Variants in GEMIN8 observed in about 807,000 individuals in gnomAD.
The protein encoded by GEMIN8 is gem-associated protein 8.
For synonymous variants in GEMIN8, 80 were observed against 78.5 expected (o/e 1.02, Z -0.10); for missense variants, 185 against 205.9 (o/e 0.90, Z 0.62).
Position 14,013,455 on chromosome X carries a change from A to T in GEMIN8, c.473-4286T>A, listed in dbSNP as rs145355633. Among the ~76,000 whole-genome samples, 897 of 112,548 alleles carry T rather than the reference A, an allele frequency of 8.0e-3. 3 individuals carry two copies. Among genetic ancestry groups the T allele is most frequent in the Non-Finnish European group, 0.012 (639 of 53,294 alleles). ...AAAATAGGATTGTAGTGGGTTGAAT[A>T]GTGTCACTTCAAATCCATGTCCACC... On this transcript the variant is annotated intron_variant, in intron 4 of 4. Coordinates refer to ENST00000680255, the MANE Select transcript of GEMIN8 (RefSeq NM_001042479.2).
At chrX:13,985,331 A>G in the GEMIN8 span, among the ~76,000 whole-genome samples, 1 of 111,961 alleles carries the variant, frequency 8.9e-6, no homozygotes, top group African/African-American at 3.2e-5. Flanking sequence ...TAGGAAGTCC[A>G]TTTGGAGCTG....
At chrX:13,997,950 G>A in the GEMIN8 span, among the ~76,000 whole-genome samples, 1 of 108,493 alleles carries the variant, frequency 9.2e-6, no homozygotes, top group Non-Finnish European at 1.9e-5. Flanking sequence ...TAAAAATCCC[G>A]GAGGCAAGAA....
chrX:13,992,184 T>C, the GEMIN8 span, among the ~76,000 whole-genome samples: 1 of 111,815 alleles, frequency 8.9e-6, no homozygotes, highest in Non-Finnish European at 1.9e-5. Flanking sequence ...TGTCAAATAA[T>C]CCTTCACAAA....
intron 2 of GEMIN8, among the ~76,000 whole-genome samples, chrX:14,023,949 C>T (rs911724222): frequency 1.2e-4 from 13 of 112,095 alleles, no homozygotes; most frequent in African/African-American, 4.2e-4. Context: ...GTGTGATAGC[C>T]TCAAATATGG....
At chrX:13,984,253 T>C in the GEMIN8 span, among the ~76,000 whole-genome samples, 6 of 112,343 alleles carry the variant, frequency 5.3e-5, no homozygotes, top group African/African-American at 1.6e-4. Context: ...CCCAGTTATA[T>C]AGTGCTTGGA....
chrX:14,026,307 G>T, intron 1 of GEMIN8, 86 bp from the exon 2 acceptor site: 1 of 751,622 alleles, frequency 1.3e-6, no homozygotes, highest in East Asian at 1.5e-4. Context: ...GAGCACAATG[G>T]CATAATGGCC....
chrX:14,009,210 G>T, intron 4 of GEMIN8, 41 bp from the exon 5 acceptor site: 1 of 1,182,815 alleles, frequency 8.5e-7, no homozygotes, highest in Non-Finnish European at 1.1e-6. Flanking sequence ...ATAAACACAC[G>T]TGTGTGCACT....
the GEMIN8 span, among the ~76,000 whole-genome samples, chrX:13,996,912 C>T: frequency 4.7e-5 from 5 of 105,793 alleles, no homozygotes; most frequent in Admixed American, 1.0e-4. Context: ...GCTTATAAAA[C>T]GCTTGCATGC....
At chrX:14,005,136 C>T (rs1351780237), downstream of GEMIN8, among the ~76,000 whole-genome samples, 1 of 111,188 alleles carries the variant, frequency 9.0e-6, no homozygotes, top group African/African-American at 3.3e-5. Flanking sequence ...GTTCCTGACA[C>T]AGAGCTCCTA....
chrX:14,002,589 C>T (rs186247959), downstream of GEMIN8, among the ~76,000 whole-genome samples: 17 of 111,501 alleles, frequency 1.5e-4, no homozygotes, highest in African/African-American at 4.2e-4. Flanking sequence ...CTGCAAACTC[C>T]GCCTCTCTGG....
chrX:13,985,217 G>C, the GEMIN8 span, among the ~76,000 whole-genome samples: 1 of 111,523 alleles, frequency 9.0e-6, no homozygotes, highest in African/African-American at 3.3e-5. Context: ...CCACTTAAAG[G>C]GTCCATTCTG....
At chrX:13,999,587 G>C in the GEMIN8 span, among the ~76,000 whole-genome samples, 4 of 111,338 alleles carry the variant, frequency 3.6e-5, no homozygotes, top group Non-Finnish European at 7.5e-5. Flanking sequence ...GCTGTATCTA[G>C]ATTTTACCAG....
chrX:14,016,848 A>ATATATAT (rs1405538681), intron 4 of GEMIN8, among the ~76,000 whole-genome samples: 2 of 71,125 alleles, frequency 2.8e-5, no homozygotes, highest in East Asian at 8.1e-4. Context: ...CTGTCTCAAA[A>ATATATAT]AAAAAAAAAA....
chrX:14,002,338 GATA>G (rs770945965), downstream of GEMIN8, among the ~76,000 whole-genome samples: 8 of 82,067 alleles, frequency 9.7e-5, no homozygotes, highest in African/African-American at 2.9e-4. Context: ...GTGATAGATA[GATA>G]GATAGATAGA....
chrX:13,984,638 G>A, the GEMIN8 span, among the ~76,000 whole-genome samples: 1 of 111,946 alleles, frequency 8.9e-6, no homozygotes, highest in African/African-American at 3.2e-5. Context: ...TGAGAGCAAG[G>A]ATTTACTCTC....
At chrX:14,027,297 T>C (rs1924748586) in intron 1 of GEMIN8, among the ~76,000 whole-genome samples, 1 of 113,021 alleles carries the variant, frequency 8.8e-6, no homozygotes, top group Admixed American at 9.3e-5. Context: ...CTCATCTGGC[T>C]TGATGCCCTC....
chrX:13,987,909 G>A, the GEMIN8 span, among the ~76,000 whole-genome samples: 1 of 112,002 alleles, frequency 8.9e-6, no homozygotes, highest in Admixed American at 9.5e-5. Flanking sequence ...CATACTTGCT[G>A]TGATGCCAAG....
chrX:14,023,628 C>T (rs1351098174), intron 2 of GEMIN8, among the ~76,000 whole-genome samples: 2 of 112,015 alleles, frequency 1.8e-5, no homozygotes, highest in African/African-American at 3.2e-5. Flanking sequence ...CCGCCCGCCT[C>T]GGCCTCCCAA....
At position 14,007,696 on chromosome X, in the gene GEMIN8, T is replaced by G. The variant is rs1326273754; in HGVS notation, c.*1217A>C. ...GTGCCCGCCACCACGCCCGGCTAAT[T>G]TTTTGTATTTTTAGTAGAGATGGGG... On this transcript the variant is annotated 3_prime_UTR_variant, in exon 5 of 5. Coordinates refer to ENST00000680255, the MANE Select transcript of GEMIN8 (RefSeq NM_001042479.2). Among the ~76,000 whole-genome samples the G allele has an allele frequency of 9.2e-6, 1 of 109,211 alleles. No individual in the cohort carries two copies. The highest frequency in any genetic ancestry group is 1.9e-5 in the Non-Finnish European group (1 of 52,465). 94.8% of individuals were successfully genotyped at this position (109,211 alleles called of 115,157 possible). A position where few individuals can be genotyped will look rare whatever the true frequency, so the allele number is the denominator to read the frequency against.
Sources: allele counts gnomAD v4.1 joint callset (sites outside exome capture counted in the v4.1 genomes callset), GRCh38; gene constraint gnomAD v4.1.1; transcripts MANE v1.5; gene names NCBI Gene and HGNC (gene_info 2026-07-23, HGNC 2026-07-21).